Variants in LRRTM4 observed in about 807,000 individuals in gnomAD.
The protein encoded by LRRTM4 is leucine-rich repeat transmembrane neuronal protein 4.
Under a neutral mutation model 47.6 loss-of-function variants are expected in LRRTM4, and 25 were observed. The ratio of observed to expected loss-of-function variants is 0.53; its 90% confidence interval spans 0.38 to 0.73. LRRTM4 has a LOEUF of 0.73. LRRTM4 is among the 30% of genes least tolerant of loss of function. The pLI is 0.00. For synonymous variants in LRRTM4, 311 were observed against 269.5 expected (o/e 1.15, Z -1.51); for missense variants, 638 against 713.4 (o/e 0.89, Z 1.20).
At chr2:77,000,384 A>G (rs1272776841) in intron 3 of LRRTM4, among the ~76,000 whole-genome samples, 1 of 152,116 alleles carries the variant, frequency 6.6e-6, no homozygotes, top group Non-Finnish European at 1.5e-5. Context: ...TCAAAGGGTT[A>G]CAATAAATGA....
intron 3 of LRRTM4, among the ~76,000 whole-genome samples, chr2:77,012,089 T>C (rs1363979694): frequency 6.6e-6 from 1 of 152,068 alleles, no homozygotes; most frequent in African/African-American, 2.4e-5. Context: ...ACGCAAAATG[T>C]TGTCTGTGGC....
intron 3 of LRRTM4, among the ~76,000 whole-genome samples, chr2:77,236,896 T>G (rs928689653): frequency 6.6e-6 from 1 of 152,168 alleles, no homozygotes; most frequent in African/African-American, 2.4e-5. Flanking sequence ...AATTAGCTTT[T>G]TGATATGCTG....
At chr2:76,966,692 C>T (rs1014883451) in intron 3 of LRRTM4, among the ~76,000 whole-genome samples, 2 of 151,430 alleles carry the variant, frequency 1.3e-5, no homozygotes, top group Non-Finnish European at 3.0e-5. Flanking sequence ...ATCAAATTGG[C>T]TGTCCCAAAA....
chr2:76,869,063 C>A (rs763224286), intron 3 of LRRTM4, among the ~76,000 whole-genome samples: 3 of 152,146 alleles, frequency 2.0e-5, no homozygotes, highest in Admixed American at 6.5e-5. Context: ...GTAATCCCAG[C>A]ACTTTGGGAG....
intron 3 of LRRTM4, among the ~76,000 whole-genome samples, chr2:76,780,272 T>G (rs554347310): frequency 1.7e-4 from 26 of 152,326 alleles, no homozygotes; most frequent in East Asian, 7.7e-4. Flanking sequence ...TATCTTTGTG[T>G]TGTTCTCTGT....
In LRRTM4 at chr2:77,004,923, T is replaced by C. The variant is rs530199447; in HGVS notation, c.1552-256007A>G. 5.9e-5 allele frequency among the ~76,000 whole-genome samples: 9 copies of C among 152,312 alleles called. No homozygotes were observed. In the South Asian group the frequency reaches 1.7e-3, roughly 28 times the overall value. Reference sequence around the variant, plus strand: ...GGATTTCTGACTTGCATGGGGCCTGTAACCCTTTGTTTTGGCCAACTTATC... The same window carrying C: ...GGATTTCTGACTTGCATGGGGCCTGCAACCCTTTGTTTTGGCCAACTTATC... On this transcript the variant is annotated intron_variant, in intron 3 of 3. Coordinates refer to ENST00000409884, the MANE Select transcript of LRRTM4 (RefSeq NM_001134745.3).
chr2:76,923,891 C>G (rs1225962422), intron 3 of LRRTM4, among the ~76,000 whole-genome samples: 1 of 151,958 alleles, frequency 6.6e-6, no homozygotes, highest in African/African-American at 2.4e-5. Context: ...ATCTTATTGC[C>G]TTTTTTTACA....
chr2:76,771,293 A>G (rs889392835), intron 3 of LRRTM4, among the ~76,000 whole-genome samples: 3 of 152,236 alleles, frequency 2.0e-5, no homozygotes, highest in East Asian at 3.8e-4. Flanking sequence ...AGTCCCATTC[A>G]TGTCCCATGA....
intron 3 of LRRTM4, among the ~76,000 whole-genome samples, chr2:77,066,390 A>T (rs991242264): frequency 6.6e-6 from 1 of 152,236 alleles, no homozygotes; most frequent in Non-Finnish European, 1.5e-5. Flanking sequence ...GACTAATAGC[A>T]TCATCTTTGC....
At chr2:77,001,358 T>C (rs1677421282) in intron 3 of LRRTM4, among the ~76,000 whole-genome samples, 1 of 152,130 alleles carries the variant, frequency 6.6e-6, no homozygotes, top group South Asian at 2.1e-4. Flanking sequence ...ATGAATATAT[T>C]ACATGGAGAT....
chr2:77,368,254 T>C (rs781515896), intron 3 of LRRTM4, among the ~76,000 whole-genome samples: 2 of 151,764 alleles, frequency 1.3e-5, no homozygotes, highest in Non-Finnish European at 2.9e-5. Context: ...ATTTTCTGTA[T>C]AGGTGACTCA....
chr2:76,792,817 C>G (rs1222751684), intron 3 of LRRTM4, among the ~76,000 whole-genome samples: 3 of 152,180 alleles, frequency 2.0e-5, no homozygotes, highest in Non-Finnish European at 4.4e-5. Context: ...TTACTTCCTG[C>G]ACTGTGGCTT....
chr2:76,953,208 CAAACAAG>C, intron 3 of LRRTM4, among the ~76,000 whole-genome samples: 1 of 151,000 alleles, frequency 6.6e-6, no homozygotes, highest in South Asian at 2.1e-4. Context: ...AGAAAAACTT[CAAACAAG>C]AAGAGTTTAT....
At chr2:77,317,162 T>C (rs1351652738) in intron 3 of LRRTM4, among the ~76,000 whole-genome samples, 2 of 152,180 alleles carry the variant, frequency 1.3e-5, no homozygotes, top group African/African-American at 2.4e-5. Context: ...TTAAATAGCT[T>C]ATATATTGCC....
Position 77,345,166 on chromosome 2 carries a change from A to C in LRRTM4, c.1551+173152T>G, listed in dbSNP as rs543873618. On this transcript the variant is annotated intron_variant, in intron 3 of 3. Transcript: ENST00000409884. ...AAAGAGCAAGGAATGAACAGAAAAAAATGAATAAAGATAAAACAATAAAAT... is the reference window on the plus strand; with the variant it reads ...AAAGAGCAAGGAATGAACAGAAAAACATGAATAAAGATAAAACAATAAAAT... Among the ~76,000 whole-genome samples, 313 of 151,852 alleles carry C rather than the reference A, an allele frequency of 2.1e-3. 2 individuals carry two copies. The highest frequency in any genetic ancestry group is 7.0e-3 in the African/African-American group (292 of 41,540).
At chr2:77,153,915 ATTTAT>A (rs1055508579) in intron 3 of LRRTM4, among the ~76,000 whole-genome samples, 5 of 152,202 alleles carry the variant, frequency 3.3e-5, no homozygotes, top group African/African-American at 1.2e-4. Flanking sequence ...TTGACATCTA[ATTTAT>A]TTTATCACAT....
At chr2:77,466,676 T>C (rs973432103) in intron 3 of LRRTM4, among the ~76,000 whole-genome samples, 1 of 151,114 alleles carries the variant, frequency 6.6e-6, no homozygotes, top group African/African-American at 2.4e-5. Context: ...TTTGGTGCTA[T>C]GATAAAAAAT....
At chr2:77,290,460 CA>C (rs1676791535) in intron 3 of LRRTM4, among the ~76,000 whole-genome samples, 1 of 151,616 alleles carries the variant, frequency 6.6e-6, no homozygotes, top group Non-Finnish European at 1.5e-5. Flanking sequence ...TATTGTTAGA[CA>C]AAAGGATAAG....
chr2:76,817,894 G>A (rs1264413986), intron 3 of LRRTM4, among the ~76,000 whole-genome samples: 1 of 151,824 alleles, frequency 6.6e-6, no homozygotes, highest in East Asian at 1.9e-4. Context: ...TCTTCTCCAG[G>A]GAAGAGGAAT....
Sources: allele counts gnomAD v4.1 joint callset (sites outside exome capture counted in the v4.1 genomes callset), GRCh38; gene constraint gnomAD v4.1.1; transcripts MANE v1.5; gene names NCBI Gene and HGNC (gene_info 2026-07-23, HGNC 2026-07-21).